CNTN5: variants seen among roughly 807,000 people sequenced by gnomAD.
CNTN5 encodes the protein contactin 5, also known as contactin-5.
In CNTN5, 77 loss-of-function variants were observed where a neutral mutation model predicts 129.1. The observed-to-expected ratio is 0.60, with a 90% CI of 0.50 to 0.72. The LOEUF (loss-of-function observed/expected upper bound fraction) is 0.72, where lower values mean the gene tolerates loss of function less well. CNTN5 is among the 30% of genes least tolerant of loss of function. The pLI, the probability that CNTN5 is intolerant of heterozygous loss-of-function variation, is 0.00. For missense variants in CNTN5, 1,478 were observed against 1,328.8 expected (o/e 1.11, Z -1.75); for synonymous variants, 509 against 465.6 (o/e 1.09, Z -1.20).
At chr11:99,523,647 A>AACAGAACAG (rs1361495967) in intron 2 of CNTN5, among the ~76,000 whole-genome samples, 18 of 67,944 alleles carry the variant, frequency 2.6e-4, no homozygotes, top group African/African-American at 1.1e-3. Flanking sequence ...AATAGAATAG[A>AACAGAACAG]ATAGAACAGA....
At chr11:99,117,910 G>T (rs959954389) in intron 1 of CNTN5, among the ~76,000 whole-genome samples, 1 of 152,172 alleles carries the variant, frequency 6.6e-6, no homozygotes, top group Non-Finnish European at 1.5e-5. Context: ...TGTTGTTTAA[G>T]CCATCCAGTC....
At chr11:99,691,801 T>C (rs1591486658) in intron 3 of CNTN5, among the ~76,000 whole-genome samples, 1 of 152,274 alleles carries the variant, frequency 6.6e-6, no homozygotes, top group South Asian at 2.1e-4. Context: ...TGAATAGTTT[T>C]GTAAATTTTC....
At chr11:100,027,304 T>A (rs1051325569) in intron 9 of CNTN5, among the ~76,000 whole-genome samples, 43 of 152,218 alleles carry the variant, frequency 2.8e-4, no homozygotes, top group African/African-American at 9.9e-4. Context: ...TTCTGAGATA[T>A]GGTTAAATTA....
intron 2 of CNTN5, among the ~76,000 whole-genome samples, chr11:99,543,282 C>G (rs1455280275): frequency 6.6e-6 from 1 of 152,114 alleles, no homozygotes. Context: ...TAAATATAGT[C>G]CACATTCATT....
At chr11:100,094,689 T>A (rs1035506432) in intron 13 of CNTN5, among the ~76,000 whole-genome samples, 26 of 127,204 alleles carry the variant, frequency 2.0e-4, no homozygotes, top group African/African-American at 6.7e-4. Context: ...AAGAAAGAAA[T>A]GAAGGAAGGA....
At chr11:99,965,716 G>T (rs924336233) in intron 8 of CNTN5, among the ~76,000 whole-genome samples, 4 of 152,104 alleles carry the variant, frequency 2.6e-5, no homozygotes, top group Admixed American at 1.3e-4. Context: ...GGATATCCTT[G>T]TTAACTTTCT....
At chr11:99,239,135 A>G (rs2135751331) in intron 1 of CNTN5, among the ~76,000 whole-genome samples, 1 of 151,772 alleles carries the variant, frequency 6.6e-6, no homozygotes, top group South Asian at 2.1e-4. Context: ...ACTGATGAAT[A>G]AGAATAGGTA....
Position 100,245,067 on chromosome 11 carries a change from A to G in CNTN5, c.2006-10693A>G, listed in dbSNP as rs897591535. 6.6e-5 allele frequency among the ~76,000 whole-genome samples: 10 copies of G among 152,186 alleles called. 1 individual carries two copies. The highest frequency in any genetic ancestry group is 2.4e-4 in the African/African-American group (10 of 41,574). ...TAAAGCCTAACTCAAATTGACTTAA[A>G]CAATAAAGAAATCCACTGATTTTCA... On this transcript the variant is annotated intron_variant, in intron 16 of 24. Coordinates refer to ENST00000524871, the MANE Select transcript of CNTN5 (RefSeq NM_014361.4).
chr11:99,787,987 A>G (rs944839816), intron 3 of CNTN5, among the ~76,000 whole-genome samples: 1 of 152,016 alleles, frequency 6.6e-6, no homozygotes, highest in Admixed American at 6.6e-5. Flanking sequence ...TGGTGTGTAA[A>G]TCATACAGCA....
rs559519849 is a variant in CNTN5 at position 99,596,041 on chromosome 11, G to A, written c.55+39772G>A. 2.4e-4 allele frequency among the ~76,000 whole-genome samples: 36 copies of A among 152,146 alleles called. 1 individual carries two copies. The highest frequency in any genetic ancestry group is 2.6e-4 in the Admixed American group (4 of 15,264). The stretch of plus-strand genomic sequence containing the variant: ...TTCAAGACACGCTTTAAAGTTTGAG[G>A]ATCACTGATCTAAGAGACCCAGATA... On this transcript the variant is annotated intron_variant, in intron 3 of 24. Transcript: ENST00000524871.
intron 7 of CNTN5, among the ~76,000 whole-genome samples, chr11:99,937,786 C>G (rs964785178): frequency 1.3e-5 from 2 of 152,130 alleles, no homozygotes; most frequent in Admixed American, 1.3e-4. Flanking sequence ...CATTGCTTCT[C>G]CAGTGGAAAA....
At chr11:100,083,181 G>A (rs1480284815) in intron 13 of CNTN5, among the ~76,000 whole-genome samples, 3 of 151,986 alleles carry the variant, frequency 2.0e-5, no homozygotes, top group Non-Finnish European at 4.4e-5. Context: ...GCTGGGCGTG[G>A]TGGTGCATTC....
At chr11:99,269,612 C>T (rs1863079019) in intron 1 of CNTN5, among the ~76,000 whole-genome samples, 1 of 151,686 alleles carries the variant, frequency 6.6e-6, no homozygotes, top group African/African-American at 2.4e-5. Context: ...TCCTTCATGT[C>T]CAGAGATATC....
At chr11:100,305,453 C>A (rs1477991903) in intron 20 of CNTN5, among the ~76,000 whole-genome samples, 1 of 151,598 alleles carries the variant, frequency 6.6e-6, no homozygotes, top group Non-Finnish European at 1.5e-5. Flanking sequence ...CTCCTTTTAT[C>A]CCCCAAAAGA....
At chr11:99,506,571 TA>T (rs931313239) in intron 2 of CNTN5, among the ~76,000 whole-genome samples, 11 of 145,638 alleles carry the variant, frequency 7.6e-5, no homozygotes, top group African/African-American at 2.6e-4. Flanking sequence ...AGTAAATACT[TA>T]AAAAAAATTA....
At chr11:99,848,099 T>A (rs576547793) in intron 6 of CNTN5, among the ~76,000 whole-genome samples, 23 of 152,224 alleles carry the variant, frequency 1.5e-4, no homozygotes, top group African/African-American at 4.8e-4. Flanking sequence ...TAGTCCCAGC[T>A]ACTAGGGAGA....
intron 7 of CNTN5, among the ~76,000 whole-genome samples, chr11:99,939,233 C>T (rs915705525): frequency 1.3e-5 from 2 of 152,066 alleles, no homozygotes; most frequent in Admixed American, 6.6e-5. Flanking sequence ...CTTAAATACT[C>T]GTGCAAATTG....
At chr11:99,030,780 CTTTTTTT>C (rs71305325) in intron 1 of CNTN5, among the ~76,000 whole-genome samples, 5 of 120,246 alleles carry the variant, frequency 4.2e-5, no homozygotes, top group Non-Finnish European at 8.3e-5. Flanking sequence ...TGCTAACTCT[CTTTTTTT>C]TTTTTTTTTT....
chr11:99,451,321 A>T (rs919031981), intron 2 of CNTN5, among the ~76,000 whole-genome samples: 32 of 152,200 alleles, frequency 2.1e-4, no homozygotes, highest in African/African-American at 7.7e-4. Context: ...TACATTATAC[A>T]AAAGTTATGA....
Sources: allele counts gnomAD v4.1 joint callset (sites outside exome capture counted in the v4.1 genomes callset), GRCh38; gene constraint gnomAD v4.1.1; transcripts MANE v1.5; gene names NCBI Gene and HGNC (gene_info 2026-07-23, HGNC 2026-07-21).